The following USH2A variants were observed in gnomAD, a reference collection of about 807,000 sequenced individuals.
USH2A encodes Usher syndrome 2A (autosomal recessive, mild).
A neutral mutation model predicts 538.9 loss-of-function variants in USH2A; 443 were observed. That is an observed-to-expected ratio of 0.82 (90% confidence interval 0.76 to 0.89). The LOEUF (loss-of-function observed/expected upper bound fraction) is 0.89. Among genes scored for constraint, USH2A ranks in the 40% least tolerant of loss-of-function variants. The probability of loss-of-function intolerance (pLI) is 0.00; values close to 1 mark genes in which losing one functional copy is unlikely to be tolerated. For missense variants in USH2A, 6,633 were observed against 6,324.8 expected (o/e 1.05, Z -1.65); for synonymous variants, 2,413 against 2,273.5 (o/e 1.06, Z -1.75).
At chr1:215,909,385 A>T (rs763167711) in intron 38 of USH2A, among the ~76,000 whole-genome samples, 8 of 151,918 alleles carry the variant, frequency 5.3e-5, no homozygotes, top group Non-Finnish European at 1.0e-4. Flanking sequence ...GTCATTATAT[A>T]TTAGCCTAAA....
At chr1:216,090,896 T>C (rs1347941466) in intron 22 of USH2A, among the ~76,000 whole-genome samples, 2 of 152,090 alleles carry the variant, frequency 1.3e-5, no homozygotes, top group Non-Finnish European at 2.9e-5. Context: ...AAAGTGTACT[T>C]AGTTAGCGTT....
At chr1:216,010,082 A>G (rs532362590) in intron 32 of USH2A, among the ~76,000 whole-genome samples, 1 of 152,152 alleles carries the variant, frequency 6.6e-6, no homozygotes, top group Non-Finnish European at 1.5e-5. Flanking sequence ...TCCAAAAATT[A>G]AATTCTGGCC....
intron 21 of USH2A, among the ~76,000 whole-genome samples, chr1:216,147,860 G>A (rs1484042844): frequency 5.3e-5 from 8 of 150,850 alleles, no homozygotes; most frequent in African/African-American, 9.8e-5. Flanking sequence ...AGGAATGCCC[G>A]CAGCCCGGGA....
Sources: allele counts gnomAD v4.1 joint callset (sites outside exome capture counted in the v4.1 genomes callset), GRCh38; gene constraint gnomAD v4.1.1; transcripts MANE v1.5; gene names NCBI Gene and HGNC (gene_info 2026-07-23, HGNC 2026-07-21).